The following TMEM106B variants were observed in gnomAD, a reference collection of about 807,000 sequenced individuals.
TMEM106B encodes the protein transmembrane protein 106B.
In TMEM106B, 15 loss-of-function variants were observed where a neutral mutation model predicts 31.1. The observed-to-expected ratio is 0.48, with a 90% CI of 0.32 to 0.74. The LOEUF is 0.74. Ranked by LOEUF, TMEM106B falls within the 30% of genes least tolerant of loss-of-function variation. The pLI is 0.03. For synonymous variants in TMEM106B, 126 were observed against 112.5 expected (o/e 1.12, Z -0.76); for missense variants, 283 against 327.3 (o/e 0.86, Z 1.04).
At position 12,242,945 on chromosome 7, in the gene TMEM106B, T is replaced by C. The variant is rs1782259024; in HGVS notation, c.*10970T>C. On this transcript the variant is annotated 3_prime_UTR_variant, in exon 8 of 8. Transcript: ENST00000396668. ...TTGCCTATGTACCTATACTAGAACA[T>C]AGTAAACATGAGAACAGGGAATCTT... The C allele has an allele frequency of 6.6e-6, 1 of 152,128 alleles. No homozygotes were observed. The highest frequency in any genetic ancestry group is 2.4e-5 in the African/African-American group (1 of 41,448). The allele number at this position is 152,128 out of a possible 1,614,324, so 9.4% of individuals were successfully genotyped here. A position where few individuals can be genotyped will look rare whatever the true frequency, so the allele number is the denominator to read the frequency against.
At chr7:12,221,087 A>AGTGTGTGTGTGTGTGTGTGT (rs71027479) in intron 3 of TMEM106B, among the ~76,000 whole-genome samples, 18 of 149,952 alleles carry the variant, frequency 1.2e-4, no homozygotes, top group African/African-American at 4.2e-4. Context: ...AAGCAAGTAA[A>AGTGTGTGTGTGTGTGTGTGT]GTGTGTGTGT....
At chr7:12,216,320 G>GT (rs1781686243) in intron 2 of TMEM106B, among the ~76,000 whole-genome samples, 2 of 151,686 alleles carry the variant, frequency 1.3e-5, no homozygotes, top group Admixed American at 6.6e-5. Context: ...TGACTCCAGA[G>GT]TTTTTTTGGG....
intron 4 of TMEM106B, among the ~76,000 whole-genome samples, chr7:12,227,317 T>C (rs1475235330): frequency 6.6e-6 from 1 of 152,070 alleles, no homozygotes; most frequent in Non-Finnish European, 1.5e-5. Context: ...TTTCTACTTA[T>C]GAAAATATTT....
At chr7:12,213,910 A>T (rs1781630797) in intron 1 of TMEM106B, among the ~76,000 whole-genome samples, 1 of 152,152 alleles carries the variant, frequency 6.6e-6, no homozygotes, top group Non-Finnish European at 1.5e-5. Flanking sequence ...CATGATGAAA[A>T]GGTGGGTGGA....
At chr7:12,216,050 GATGCTTAAA>G (rs1394047307) in intron 2 of TMEM106B, among the ~76,000 whole-genome samples, 2 of 152,132 alleles carry the variant, frequency 1.3e-5, no homozygotes, top group Non-Finnish European at 2.9e-5. Context: ...ACCTTTTTAA[GATGCTTAAA>G]ATGTATCTTA....
intron 3 of TMEM106B, among the ~76,000 whole-genome samples, chr7:12,220,464 T>C (rs28459566): frequency 0.068 from 10,317 of 152,082 alleles, 597 homozygotes; most frequent in South Asian, 0.16. Context: ...CAAAGCAAAA[T>C]AGAAGCTATG....
intron 4 of TMEM106B, among the ~76,000 whole-genome samples, chr7:12,228,748 C>T (rs1466544356): frequency 6.6e-6 from 1 of 151,970 alleles, no homozygotes; most frequent in Non-Finnish European, 1.5e-5. Flanking sequence ...ATACCCTTTT[C>T]CCATATCTGT....
At position 12,236,704 on chromosome 7, in the gene TMEM106B, T is replaced by C. The variant is rs1782143739; in HGVS notation, c.*4729T>C. ...ACTATATCAGCTGTAGTTGGGTAAT[T>C]CCAAGTGCTGATAGTACTATTCATC... On this transcript the variant is annotated 3_prime_UTR_variant, in exon 8 of 8. Coordinates refer to ENST00000396668, the MANE Select transcript of TMEM106B (RefSeq NM_001134232.2). The C allele has an allele frequency of 1.3e-5, 2 of 152,144 alleles. No individual in the cohort carries two copies. The highest frequency in any genetic ancestry group is 2.1e-4 in the South Asian group (1 of 4,828). 9.4% of individuals were successfully genotyped at this position (152,144 alleles called of 1,614,324 possible).
chr7:12,216,013 G>A (rs77539912), intron 2 of TMEM106B, among the ~76,000 whole-genome samples: 1 of 151,936 alleles, frequency 6.6e-6, no homozygotes, highest in Admixed American at 6.6e-5. Flanking sequence ...GAGGGAAGAA[G>A]GTCAAAGTAT....
At chr7:12,229,472 C>A (rs865937774) in intron 4 of TMEM106B, among the ~76,000 whole-genome samples, 3 of 151,942 alleles carry the variant, frequency 2.0e-5, no homozygotes, top group Admixed American at 6.6e-5. Flanking sequence ...TTTTTAAATA[C>A]TGAATTATGT....
At chr7:12,231,780 A>T (rs544893681) in intron 7 of TMEM106B, 57 bp from the exon 8 acceptor site, 2 of 1,418,986 alleles carry the variant, frequency 1.4e-6, no homozygotes, top group Non-Finnish European at 1.9e-6. Flanking sequence ...TAGTCTCACT[A>T]TGGAAAAACT....
rs955699545 is a variant in TMEM106B at position 12,237,797 on chromosome 7, C to G, written c.*5822C>G. ...ACCAAATTGGTCAACATGGCGAGAC[C>G]CCATATAAAATATATACATACACAC... On this transcript the variant is annotated 3_prime_UTR_variant, in exon 8 of 8. Coordinates refer to ENST00000396668, the MANE Select transcript of TMEM106B (RefSeq NM_001134232.2). The G allele has an allele frequency of 7.1e-6, 1 of 141,700 alleles. No homozygotes were observed. The highest frequency in any genetic ancestry group is 1.5e-5 in the Non-Finnish European group (1 of 66,250). The allele number at this position is 141,700 out of a possible 1,614,324, so 8.8% of individuals were successfully genotyped here. A position where few individuals can be genotyped will look rare whatever the true frequency, so the allele number is the denominator to read the frequency against.
rs1392872869 is a variant in TMEM106B at position 12,238,465 on chromosome 7, C to G, written c.*6490C>G. On this transcript the variant is annotated 3_prime_UTR_variant, in exon 8 of 8. Coordinates refer to ENST00000396668, the MANE Select transcript of TMEM106B (RefSeq NM_001134232.2). ...CCTGTTAATGTTCATATTTAGACCTCTTCCCCTGAATCACAAATGTTGTTA... is the reference window on the plus strand; with the variant it reads ...CCTGTTAATGTTCATATTTAGACCTGTTCCCCTGAATCACAAATGTTGTTA... The G allele has an allele frequency of 6.6e-6, 1 of 152,218 alleles. No individual in the cohort carries two copies. The highest frequency in any genetic ancestry group is 1.5e-5 in the Non-Finnish European group (1 of 68,080). The allele number at this position is 152,218 out of a possible 1,614,324, so 9.4% of individuals were successfully genotyped here.
At chr7:12,229,013 G>A (rs755489030) in intron 4 of TMEM106B, among the ~76,000 whole-genome samples, 5 of 151,808 alleles carry the variant, frequency 3.3e-5, no homozygotes, top group African/African-American at 4.8e-5. Context: ...GATTATAACC[G>A]ATGCTTACAA....
At position 12,215,026 on chromosome 7, in the gene TMEM106B, G is replaced by C. The variant is rs1422211236; in HGVS notation, c.216G>C (p.Arg72Ser). The change falls in exon 2 of 8, where the codon AGG becomes AGC. Residue 72 changes from arginine to serine, a missense_variant and splice_region_variant. Physicochemically the swap from Arg to Ser is moderately radical, Grantham distance 110. Transcript: ENST00000396668. ...GTCAGGGAACAGGAAGAATTCCTAG[G>C]GGTATGTGTTATTGTATTGTTTTCC... ...PTCQGTGRIP[R>S]GQENQLVALI... is the part of the protein sequence containing the mutation. The C allele has an allele frequency of 5.0e-6, 8 of 1,611,876 alleles. No homozygotes were observed. Among genetic ancestry groups the C allele is most frequent in the Non-Finnish European group, 6.8e-6 (8 of 1,178,792 alleles).
At chr7:12,229,920 T>G in intron 5 of TMEM106B, 101 bp downstream of exon 5, 1 of 1,311,982 alleles carries the variant, frequency 7.6e-7, no homozygotes, top group Non-Finnish European at 1.0e-6. Context: ...AAAACTTGAT[T>G]TAGAAATGTG....
Position 12,233,043 on chromosome 7 carries a change from T to C in TMEM106B, c.*1068T>C, listed in dbSNP as rs543130585. 3 of 151,916 alleles carry C rather than the reference T, an allele frequency of 2.0e-5. No homozygotes were observed. In the South Asian group the frequency reaches 6.2e-4, roughly 31 times the overall value. The allele number at this position is 151,916 out of a possible 1,614,324, so 9.4% of individuals were successfully genotyped here. A position where few individuals can be genotyped will look rare whatever the true frequency, so the allele number is the denominator to read the frequency against. On this transcript the variant is annotated 3_prime_UTR_variant, in exon 8 of 8. Transcript: ENST00000396668. ...ATTGTTCAAGAAATCCTTAATTGAA[T>C]GTCATTAAATGATGGTGGCCAAAAT... is the stretch of plus-strand genomic sequence containing the variant.
intron 4 of TMEM106B, among the ~76,000 whole-genome samples, chr7:12,228,134 CTG>C (rs529811986): frequency 2.4e-4 from 37 of 151,870 alleles, no homozygotes; most frequent in Admixed American, 7.2e-4. Context: ...ATTATTTTTA[CTG>C]TGTTTGAGAA....
In TMEM106B at chr7:12,230,399, C is replaced by G. The variant is rs769191545; in HGVS notation, c.593C>G (p.Thr198Arg). 1 of 1,602,988 alleles carries G rather than the reference C, an allele frequency of 6.2e-7. No individual in the cohort carries two copies. Among genetic ancestry groups the G allele is most frequent in the Non-Finnish European group, 8.5e-7 (1 of 1,171,982 alleles). ...CCTTTTGCCTTTCAGATTGATTACA[C>G]AGTACCTACCGTTATAGCAGAGGAA... is the stretch of plus-strand genomic sequence containing the variant. ...GPLDMKQIDY[T>R]VPTVIAEEMS... Residue 198 changes from threonine to arginine, a missense_variant, in exon 6 of 8, where the codon ACA becomes AGA. Thr to Arg is a moderately conservative substitution (Grantham distance 71). Coordinates refer to ENST00000396668, the MANE Select transcript of TMEM106B (RefSeq NM_001134232.2).
Sources: allele counts gnomAD v4.1 joint callset (sites outside exome capture counted in the v4.1 genomes callset), GRCh38; gene constraint gnomAD v4.1.1; transcripts MANE v1.5; gene names NCBI Gene and HGNC (gene_info 2026-07-23, HGNC 2026-07-21).